Variants in ADCY3 observed in about 807,000 individuals in gnomAD.
ADCY3 encodes the protein adenylate cyclase 3, also known as adenylate cyclase type 3.
A neutral mutation model predicts 119.4 loss-of-function variants in ADCY3; 70 were observed. The ratio of observed to expected loss-of-function variants is 0.59; its 90% CI spans 0.48 to 0.72. The LOEUF (loss-of-function observed/expected upper bound fraction) is 0.72, where lower values mean the gene tolerates loss of function less well. Among genes scored for constraint, ADCY3 ranks in the 30% least tolerant of loss-of-function variants. The pLI is 0.00. For synonymous variants in ADCY3, 672 were observed against 621.4 expected, an observed-to-expected ratio of 1.08 and a Z score of -1.21; for missense variants, 1,238 against 1,541.6, an observed-to-expected ratio of 0.80 and a Z score of 3.30.
intron 2 of ADCY3, among the ~76,000 whole-genome samples, chr2:24,883,047 G>A (rs942520402): frequency 2.0e-5 from 3 of 151,604 alleles, no homozygotes; most frequent in African/African-American, 4.9e-5. Context: ...ATGATGGAGT[G>A]AGACCCTGTC....
Position 24,919,148 on chromosome 2 carries a change from G to T in ADCY3, c.-161C>A. On this transcript the variant is annotated 5_prime_UTR_variant, in exon 2 of 22. Transcript: ENST00000679454. The surrounding 1 kb of genome is among the most constrained non-coding windows in gnomAD (Gnocchi z 5.5). ...GCCACCTCCAGCAGGAACGCAGAGCGGGTTTCCAGAGCACAGGTAGCACTG... is the reference window on the plus strand; with the variant it reads ...GCCACCTCCAGCAGGAACGCAGAGCTGGTTTCCAGAGCACAGGTAGCACTG... 1.4e-6 allele frequency: 1 copy of T among 700,908 alleles called. No homozygotes were observed. Among genetic ancestry groups the T allele is most frequent in the Non-Finnish European group, 2.3e-6 (1 of 428,708 alleles). The allele number at this position is 700,908 out of a possible 1,614,324, so 43.4% of individuals were successfully genotyped here. A position where few individuals can be genotyped will look rare whatever the true frequency, so the allele number is the denominator to read the frequency against.
chr2:24,853,014 GT>G (rs1265132002), intron 3 of ADCY3, among the ~76,000 whole-genome samples: 4 of 13,076 alleles, frequency 3.1e-4, no homozygotes, highest in Non-Finnish European at 6.2e-4. Context: ...GGGTGTGTGT[GT>G]GTGTGTGTGT....
Position 24,919,647 on chromosome 2 carries a change from T to TC in ADCY3, c.-198+35dup, listed in dbSNP as rs1406787177. Reference sequence around the variant, plus strand: ...CCTTCCCACGCTCGGGGCGCTGTCTTCCCCCCCGGAAGCCTGGCCCTGCCC... The same window carrying TC: ...CCTTCCCACGCTCGGGGCGCTGTCTTCCCCCCCCGGAAGCCTGGCCCTGCCC... On this transcript the variant is annotated intron_variant, in intron 1 of 21. Coordinates refer to ENST00000679454, the MANE Select transcript of ADCY3 (RefSeq NM_004036.5). This position sits in a 1 kb window ranked among gnomAD's most constrained non-coding sequence, Gnocchi z 5.5. 4 of 151,962 alleles carry TC rather than the reference T, an allele frequency of 2.6e-5. No individual in the cohort carries two copies. The highest frequency in any genetic ancestry group is 1.9e-4 in the East Asian group (1 of 5,160). 9.4% of individuals were successfully genotyped at this position (151,962 alleles called of 1,614,324 possible). A position where few individuals can be genotyped will look rare whatever the true frequency, so the allele number is the denominator to read the frequency against.
intron 19 of ADCY3, 92 bp downstream of exon 19, chr2:24,822,419 A>T: frequency 6.5e-7 from 1 of 1,550,164 alleles, no homozygotes; most frequent in Non-Finnish European, 8.8e-7. Flanking sequence ...CACTTTGCAC[A>T]GCAGTTCTTA....
rs67246369 is a variant in ADCY3 at position 24,829,412 on chromosome 2, A to ATTTT, written c.2173-1255_2173-1252dup. Among the ~76,000 whole-genome samples the ATTTT allele has an allele frequency of 6.4e-4, 41 of 63,790 alleles. 2 individuals are homozygous for ATTTT. Among genetic ancestry groups the ATTTT allele is most frequent in the African/African-American group, 1.8e-3 (30 of 16,776 alleles). The allele number at this position is 63,790 out of a possible 152,430, so 41.8% of individuals were successfully genotyped here. ...ATGTTGGTTGTATTTGTGTGCTCCAATTTTTTTTTTTTTTTTTTTTTTTTT... is the reference window on the plus strand; with the variant it reads ...ATGTTGGTTGTATTTGTGTGCTCCAATTTTTTTTTTTTTTTTTTTTTTTTTTTTT... On this transcript the variant is annotated intron_variant, in intron 13 of 21. Coordinates refer to ENST00000679454, the MANE Select transcript of ADCY3 (RefSeq NM_004036.5).
chr2:24,915,815 A>G (rs905324175), intron 2 of ADCY3, among the ~76,000 whole-genome samples: 1 of 152,226 alleles, frequency 6.6e-6, no homozygotes, highest in African/African-American at 2.4e-5. Context: ...TTCTGGGATT[A>G]CAGGCATGAG....
At chr2:24,881,750 G>A (rs1214970533) in intron 2 of ADCY3, among the ~76,000 whole-genome samples, 1 of 152,236 alleles carries the variant, frequency 6.6e-6, no homozygotes, top group Non-Finnish European at 1.5e-5. Context: ...CCAAAATGAA[G>A]ATAAACAGAG....
At chr2:24,891,814 T>C (rs1188530769) in intron 2 of ADCY3, among the ~76,000 whole-genome samples, 1 of 152,214 alleles carries the variant, frequency 6.6e-6, no homozygotes, top group Non-Finnish European at 1.5e-5. Context: ...GTACCAACTG[T>C]TATAACTGTT....
chr2:24,867,006 A>G (rs1674391634), intron 3 of ADCY3, among the ~76,000 whole-genome samples: 1 of 152,240 alleles, frequency 6.6e-6, no homozygotes, highest in African/African-American at 2.4e-5. Context: ...AAGAAGCAAT[A>G]AAAAGATACT....
In ADCY3 at chr2:24,841,167, G is replaced by A; in HGVS notation, c.1196+92C>T. The A allele has an allele frequency of 7.2e-7, 1 of 1,380,744 alleles. No individual in the cohort carries two copies. The highest frequency in any genetic ancestry group is 9.6e-7 in the Non-Finnish European group (1 of 1,042,682). The allele number at this position is 1,380,744 out of a possible 1,614,324, so 85.5% of individuals were successfully genotyped here. ...GCTTCCAGCAGATCCCCCACCCAGG[G>A]GCCATGGCCAGCGCGGAAGACCTGC... On this transcript the variant is annotated intron_variant, in intron 6 of 21. Transcript: ENST00000679454. This position sits in a 1 kb window ranked among gnomAD's most constrained non-coding sequence, Gnocchi z 5.8.
At chr2:24,850,009 G>T (rs1672108044) in intron 3 of ADCY3, among the ~76,000 whole-genome samples, 1 of 151,906 alleles carries the variant, frequency 6.6e-6, no homozygotes, top group Admixed American at 6.6e-5. Flanking sequence ...GGCCCCTTAG[G>T]GTAGATGAGC....
chr2:24,916,011 G>A (rs1276334044), intron 2 of ADCY3, among the ~76,000 whole-genome samples: 1 of 152,162 alleles, frequency 6.6e-6, no homozygotes, highest in African/African-American at 2.4e-5. Flanking sequence ...TCCTGCCTTC[G>A]ATCTCAGGCT....
rs146167452 is a variant in ADCY3, at chr2:24,839,099, C to T, written c.1356-477G>A. ...CTGGAATTACAGGTGCACACCACCA[C>T]ACCCGACTAATTCTGTATTTTTAGT... On this transcript the variant is annotated intron_variant, in intron 7 of 21. Coordinates refer to ENST00000679454, the MANE Select transcript of ADCY3 (RefSeq NM_004036.5). Among the ~76,000 whole-genome samples, 496 of 152,132 alleles carry T rather than the reference C, an allele frequency of 3.3e-3. 2 individuals carry two copies. The highest frequency in any genetic ancestry group is 0.011 in the African/African-American group (471 of 41,476).
chr2:24,831,586 C>T (rs77905497), intron 12 of ADCY3, 76 bp downstream of exon 12: 2 of 1,156,320 alleles, frequency 1.7e-6, no homozygotes, highest in African/African-American at 1.5e-5. Flanking sequence ...AAGAATAACT[C>T]CATCACTGCC....
intron 2 of ADCY3, among the ~76,000 whole-genome samples, chr2:24,888,671 A>C (rs570177064): frequency 4.9e-4 from 74 of 152,374 alleles, no homozygotes; most frequent in South Asian, 1.4e-3. Context: ...CATGGCAATT[A>C]GTATTTCTTG....
rs372787331 is a variant in ADCY3, at chr2:24,914,180, T to G, written c.675+4133A>C. ...AAACACTGCCAGCCTCGGCTCCTCC[T>G]GATCCATCTGTCCTCCCTTCCGGCT... On this transcript the variant is annotated intron_variant, in intron 2 of 21. Transcript: ENST00000679454. Among the ~76,000 whole-genome samples, 29 of 152,336 alleles carry G rather than the reference T, an allele frequency of 1.9e-4. No homozygotes were observed. The East Asian group carries it at 4.4e-3, about 23-fold the overall frequency.
intron 3 of ADCY3, among the ~76,000 whole-genome samples, chr2:24,843,056 G>A (rs947620093): frequency 1.3e-5 from 2 of 152,204 alleles, no homozygotes; most frequent in African/African-American, 2.4e-5. Context: ...CCCAAGACGC[G>A]ACGCTGAGGG....
At chr2:24,887,275 A>G (rs78542870) in intron 2 of ADCY3, among the ~76,000 whole-genome samples, 2 of 152,190 alleles carry the variant, frequency 1.3e-5, no homozygotes, top group Non-Finnish European at 2.9e-5. Flanking sequence ...AAACCACCCC[A>G]TGATTCAACT....
chr2:24,845,233 T>C (rs1671528078), intron 3 of ADCY3, among the ~76,000 whole-genome samples: 1 of 152,224 alleles, frequency 6.6e-6, no homozygotes, highest in Non-Finnish European at 1.5e-5. Context: ...GAAGTGACTT[T>C]GGAACTGGGT....
Sources: gnomAD v4.1 joint callset for allele counts (sites outside exome capture counted in the v4.1 genomes callset) on GRCh38, gnomAD v4.1.1 for gene constraint, Gnocchi (gnomAD v3.1) non-coding constraint, MANE v1.5 for transcripts, NCBI Gene and HGNC (gene_info 2026-07-23, HGNC 2026-07-21) for gene names.